Variants in EYS observed in about 807,000 individuals in gnomAD.
EYS encodes protein eyes shut homolog.
In EYS, 250 loss-of-function variants were observed where a neutral mutation model predicts 282.1. The ratio of observed to expected loss-of-function variants is 0.89; its 90% CI spans 0.80 to 0.98. EYS has a LOEUF of 0.98. EYS is among the 50% of genes least tolerant of loss of function. The pLI, the probability that EYS is intolerant of heterozygous loss-of-function variation, is 0.00. For missense variants in EYS, 4,016 were observed against 3,709.0 expected (o/e 1.08, Z -2.15); for synonymous variants, 1,355 against 1,282.9 (o/e 1.06, Z -1.20).
At chr6:63,898,857 A>C (rs1358009395) in intron 35 of EYS, among the ~76,000 whole-genome samples, 1 of 152,202 alleles carries the variant, frequency 6.6e-6, no homozygotes, top group Non-Finnish European at 1.5e-5. Context: ...TTTTTCCAAT[A>C]AATAGACTAG....
chr6:63,892,184 C>G (rs1348406532), intron 35 of EYS, among the ~76,000 whole-genome samples: 1 of 152,122 alleles, frequency 6.6e-6, no homozygotes. Context: ...GATGCTATTC[C>G]CATCAAGCTA....
chr6:64,533,478 T>C (rs1263942055), intron 26 of EYS, among the ~76,000 whole-genome samples: 7 of 152,058 alleles, frequency 4.6e-5, no homozygotes, highest in African/African-American at 9.7e-5. Context: ...TATCACATCA[T>C]GACATCAATG....
chr6:64,956,915 A>T (rs947675251), intron 14 of EYS, among the ~76,000 whole-genome samples: 2 of 152,144 alleles, frequency 1.3e-5, no homozygotes, highest in Admixed American at 1.3e-4. Context: ...TATCCAAAAG[A>T]CGCAACAACA....
chr6:64,156,863 T>G (rs902391773), intron 31 of EYS, among the ~76,000 whole-genome samples: 30 of 139,232 alleles, frequency 2.2e-4, no homozygotes, highest in Non-Finnish European at 4.5e-4. Context: ...AGGCATTCAG[T>G]TTTTTTTTTA....
intron 28 of EYS, among the ~76,000 whole-genome samples, chr6:64,419,253 G>C (rs529285964): frequency 1.4e-4 from 21 of 152,292 alleles, no homozygotes; most frequent in African/African-American, 4.8e-4. Flanking sequence ...CATGAGAATA[G>C]CATGAGGGAA....
intron 11 of EYS, among the ~76,000 whole-genome samples, chr6:65,319,733 C>T (rs1280407875): frequency 6.6e-6 from 1 of 152,102 alleles, no homozygotes; most frequent in African/African-American, 2.4e-5. Flanking sequence ...CGCCGCTTTG[C>T]TAGGGGAGGT....
chr6:65,383,589 G>T (rs1195750753), intron 8 of EYS, among the ~76,000 whole-genome samples: 2 of 143,024 alleles, frequency 1.4e-5, no homozygotes, highest in Non-Finnish European at 3.1e-5. Flanking sequence ...ATTATTTTTT[G>T]AAAAAAAAAA....
chr6:65,381,529 A>T (rs1023228380), intron 8 of EYS, among the ~76,000 whole-genome samples: 3 of 151,962 alleles, frequency 2.0e-5, no homozygotes, highest in Non-Finnish European at 4.4e-5. Flanking sequence ...TGGGGCTTAA[A>T]ACCTGTATGA....
chr6:64,326,976 A>G (rs1770447687), intron 29 of EYS, among the ~76,000 whole-genome samples: 1 of 152,132 alleles, frequency 6.6e-6, no homozygotes, highest in Admixed American at 6.6e-5. Flanking sequence ...TGACTCGGAC[A>G]AAATTCACAC....
intron 28 of EYS, among the ~76,000 whole-genome samples, chr6:64,422,204 C>T (rs1379415321): frequency 1.3e-5 from 2 of 151,696 alleles, no homozygotes; most frequent in African/African-American, 2.4e-5. Context: ...CTAATAAAGA[C>T]ATTTAAAGGG....
At chr6:65,307,334 C>T (rs201695770) in intron 11 of EYS, among the ~76,000 whole-genome samples, 2 of 151,878 alleles carry the variant, frequency 1.3e-5, no homozygotes, top group East Asian at 3.9e-4. Context: ...TCCTCTCTTA[C>T]TGCAGTCTTG....
chr6:64,986,159 T>C (rs1433967129), intron 14 of EYS, among the ~76,000 whole-genome samples: 1 of 151,484 alleles, frequency 6.6e-6, no homozygotes, highest in Admixed American at 6.6e-5. Context: ...TATACCTTAA[T>C]TTCCATTATA....
chr6:64,729,879 C>T (rs1240208152), intron 22 of EYS, among the ~76,000 whole-genome samples: 1 of 151,994 alleles, frequency 6.6e-6, no homozygotes, highest in Non-Finnish European at 1.5e-5. Flanking sequence ...ATTGGTTTAA[C>T]TGGTAAAATA....
intron 30 of EYS, among the ~76,000 whole-genome samples, chr6:64,283,631 T>G (rs1050881912): frequency 6.6e-6 from 1 of 152,212 alleles, no homozygotes; most frequent in African/African-American, 2.4e-5. Context: ...TTCTATCTTA[T>G]AACAGGGGTA....
intron 12 of EYS, among the ~76,000 whole-genome samples, chr6:65,245,292 G>T (rs985136440): frequency 6.6e-6 from 1 of 151,982 alleles, no homozygotes; most frequent in Admixed American, 6.6e-5. Context: ...GCAATGGGAG[G>T]GATACATCAA....
chr6:65,052,857 C>G (rs181563239), intron 13 of EYS, among the ~76,000 whole-genome samples: 1 of 151,626 alleles, frequency 6.6e-6, no homozygotes, highest in Non-Finnish European at 1.5e-5. Flanking sequence ...CAACCACTTA[C>G]GCCAGTGGAT....
At chr6:64,709,554 CCT>C (rs1331259244) in intron 22 of EYS, among the ~76,000 whole-genome samples, 2 of 151,970 alleles carry the variant, frequency 1.3e-5, no homozygotes, top group Non-Finnish European at 2.9e-5. Context: ...TAAGTATACC[CCT>C]GTTAGGAAAG....
intron 1 of EYS, among the ~76,000 whole-genome samples, chr6:65,660,856 CCTT>C (rs1044604236): frequency 6.6e-6 from 1 of 151,806 alleles, no homozygotes; most frequent in African/African-American, 2.4e-5. Flanking sequence ...CTCATAGTGT[CCTT>C]CTTTTATTGC....
chr6:65,278,540 T>C (rs1768127618), intron 12 of EYS, among the ~76,000 whole-genome samples: 1 of 151,814 alleles, frequency 6.6e-6, no homozygotes, highest in African/African-American at 2.4e-5. Context: ...ACTCTACTTT[T>C]TATTTCTGAG....
Sources: allele counts gnomAD v4.1 joint callset (sites outside exome capture counted in the v4.1 genomes callset), GRCh38; gene constraint gnomAD v4.1.1; transcripts MANE v1.5; gene names NCBI Gene and HGNC (gene_info 2026-07-23, HGNC 2026-07-21).